The following NKX6-1 variants were observed in gnomAD, a reference collection of about 807,000 sequenced individuals.
NKX6-1 encodes the protein NK6 homeobox 1.
NKX6-1 carries 11 observed loss-of-function variants against 24.9 expected under a neutral mutation model. That is an observed-to-expected ratio of 0.44 (90% CI 0.28 to 0.73). The LOEUF (loss-of-function observed/expected upper bound fraction) is 0.73. NKX6-1 is among the 30% of genes least tolerant of loss of function. The probability of loss-of-function intolerance (pLI) is 0.15; values close to 1 mark genes in which losing one functional copy is unlikely to be tolerated. For missense variants in NKX6-1, 487 were observed against 502.9 expected, an observed-to-expected ratio of 0.97 and a Z score of 0.30; for synonymous variants, 277 against 242.9, an observed-to-expected ratio of 1.14 and a Z score of -1.31.
Position 84,493,473 on chromosome 4 carries a change from T to A in NKX6-1, c.920A>T (p.Asp307Val), listed in dbSNP as rs1392910580. ...CCCCTTGAGGCGCTCTGTCTCCGAG[T>A]CCTGCTTCTTCTTGGCCGTGGCCAT... ...AEMATAKKKQ[D>V]SETERLKGAS... is the part of the protein sequence containing the mutation. Residue 307 changes from aspartate (D) to valine (V), a missense_variant, in exon 3 of 3, where the codon GAC becomes GTC. This residue lies in a region of NKX6-1 where 126 missense variants were observed against 105.5 expected (regional missense o/e 1.19). Transcript: ENST00000295886. This position sits in a 1 kb window ranked among gnomAD's most constrained non-coding sequence, Gnocchi z 5.1. The A allele has an allele frequency of 6.2e-7, 1 of 1,614,244 alleles. No homozygotes were observed.
At position 84,498,953 on chromosome 4, in the gene NKX6-1, G is replaced by A. The variant is rs77782049; in HGVS notation, c.-725C>T. 0.013 allele frequency among the ~76,000 whole-genome samples: 1,969 copies of A among 152,336 alleles called. 78 individuals carry two copies. Among genetic ancestry groups the A allele is most frequent in the East Asian group, 0.13 (651 of 5,160 alleles). On this transcript the variant is annotated 5_prime_UTR_variant, in exon 1 of 3. Coordinates refer to ENST00000295886, the MANE Select transcript of NKX6-1 (RefSeq NM_006168.3). ...CACCCGCCTTGCCCTCTGGCCCACG[G>A]GGCACTGGAGTTGCAATATTGAAAA... is the stretch of plus-strand genomic sequence containing the variant.
rs1023724479 is a variant in NKX6-1 at position 84,498,423 on chromosome 4, C to G, written c.-195G>C. On this transcript the variant is annotated 5_prime_UTR_variant, in exon 1 of 3. Coordinates refer to ENST00000295886, the MANE Select transcript of NKX6-1 (RefSeq NM_006168.3). ...TAGCTGCGCAGCAGAGATGTCCAAA[C>G]CCTCCACGCGGGAGGCGGCAGCTCG... is the stretch of plus-strand genomic sequence containing the variant. 8 of 513,548 alleles carry G rather than the reference C, an allele frequency of 1.6e-5. No individual in the cohort carries two copies. The African/African-American group carries it at 1.6e-4, about 10-fold the overall frequency. 31.8% of individuals were successfully genotyped at this position (513,548 alleles called of 1,614,324 possible). A position where few individuals can be genotyped will look rare whatever the true frequency, so the allele number is the denominator to read the frequency against.
chr4:84,496,278 T>C lies in NKX6-1; in HGVS notation c.671-434A>G, dbSNP rs1029711727. On this transcript the variant is annotated intron_variant, in intron 1 of 2. Transcript: ENST00000295886. ...TTTCCTTCAACGCTTCCCTAACCTG[T>C]GTCCAGGCAACAAAGGGGTCCTTGT... 1.3e-4 allele frequency among the ~76,000 whole-genome samples: 19 copies of C among 151,870 alleles called. 1 individual carries two copies. Among genetic ancestry groups the C allele is most frequent in the Admixed American group, 1.2e-3 (19 of 15,262 alleles).
At chr4:84,496,518 G>C (rs900397012) in intron 1 of NKX6-1, 1 of 152,254 alleles carries the variant, frequency 6.6e-6, no homozygotes, top group Admixed American at 6.5e-5. Context: ...GCAACTTCCC[G>C]CAGTTACTGC....
In NKX6-1 at chr4:84,492,427, C is replaced by G. The variant is rs1720740860; in HGVS notation, c.*862G>C. Reference sequence around the variant, plus strand: ...GGTGAGAGGCCCTCCCTGGTTCCCACGTCTTCCACTTCAAGTCCGGGGGGC... The same window carrying G: ...GGTGAGAGGCCCTCCCTGGTTCCCAGGTCTTCCACTTCAAGTCCGGGGGGC... On this transcript the variant is annotated 3_prime_UTR_variant, in exon 3 of 3. Coordinates refer to ENST00000295886, the MANE Select transcript of NKX6-1 (RefSeq NM_006168.3). 6.6e-6 allele frequency: 1 copy of G among 150,598 alleles called. No individual in the cohort carries two copies. The highest frequency in any genetic ancestry group is 2.1e-4 in the South Asian group (1 of 4,670). 9.3% of individuals were successfully genotyped at this position (150,598 alleles called of 1,614,324 possible).
chr4:84,493,492 T>A lies in NKX6-1; in HGVS notation c.901A>T (p.Thr301Ser), dbSNP rs1720766699. The change falls in exon 3 of 3, where the codon ACG (threonine) becomes TCG (serine). Residue 301 changes from threonine (T) to serine (S), a missense_variant. This residue lies in a region of NKX6-1 where 126 missense variants were observed against 105.5 expected (regional missense o/e 1.19). Coordinates refer to ENST00000295886, the MANE Select transcript of NKX6-1 (RefSeq NM_006168.3). This position sits in a 1 kb window ranked among gnomAD's most constrained non-coding sequence, Gnocchi z 5.1. ...WRKKHAAEMATAKKKQDSETE... is the reference protein window; with the variant it reads ...WRKKHAAEMASAKKKQDSETE... The stretch of plus-strand genomic sequence containing the variant: ...TCCGAGTCCTGCTTCTTCTTGGCCG[T>A]GGCCATCTCGGCAGCGTGCTTCTTC... 2.5e-6 allele frequency: 4 copies of A among 1,614,114 alleles called. No individual in the cohort carries two copies. The highest frequency in any genetic ancestry group is 1.7e-5 in the Admixed American group (1 of 60,016).
At chr4:84,495,960 CTG>C in intron 1 of NKX6-1, 116 bp from the exon 2 acceptor site, 1 of 1,025,608 alleles carries the variant, frequency 9.8e-7, no homozygotes, top group Non-Finnish European at 1.5e-6. Flanking sequence ...AAAGCTCAGT[CTG>C]TGGCGGACAC....
chr4:84,497,165 C>T lies in NKX6-1; in HGVS notation c.670+394G>A, dbSNP rs765069218. Among the ~76,000 whole-genome samples the T allele has an allele frequency of 8.5e-5, 13 of 152,142 alleles. No individual in the cohort carries two copies. The highest frequency in any genetic ancestry group is 1.9e-4 in the Non-Finnish European group (13 of 68,038). On this transcript the variant is annotated intron_variant, in intron 1 of 2. Coordinates refer to ENST00000295886, the MANE Select transcript of NKX6-1 (RefSeq NM_006168.3). This position sits in a 1 kb window ranked among gnomAD's most constrained non-coding sequence, Gnocchi z 4.8. The stretch of plus-strand genomic sequence containing the variant: ...GGGAGGAGCCGGGAAAGCAGAGATG[C>T]AGTGGCCTCTCCTCCCCTCTCCTCC...
In NKX6-1 at chr4:84,493,316, G is replaced by T. The variant is rs747423459; in HGVS notation, c.1077C>A (p.His359Gln). ...SSGGGGGLLL[H>Q]ASEPESSS ...AGGATGAGCTCTCCGGCTCGGACGC[G>T]TGCAGTAGGAGGCCGCCGCCGCCGC... is the stretch of plus-strand genomic sequence containing the variant. The change falls in exon 3 of 3, where the codon CAC (histidine) becomes CAA (glutamine). Residue 359 changes from histidine (H) to glutamine (Q), a missense_variant. By Grantham distance (24) the His-to-Gln change is conservative. This residue lies in a region of NKX6-1 where 126 missense variants were observed against 105.5 expected (regional missense o/e 1.19). Transcript: ENST00000295886. The surrounding 1 kb of genome is among the most constrained non-coding windows in gnomAD (Gnocchi z 5.1). 3.7e-6 allele frequency: 6 copies of T among 1,609,338 alleles called. No individual in the cohort carries two copies. The highest frequency in any genetic ancestry group is 5.1e-6 in the Non-Finnish European group (6 of 1,179,310).
Position 84,493,249 on chromosome 4 carries a change from G to A in NKX6-1, c.*40C>T. 1 of 1,514,328 alleles carries A rather than the reference G, an allele frequency of 6.6e-7. No homozygotes were observed. The highest frequency in any genetic ancestry group is 8.8e-7 in the Non-Finnish European group (1 of 1,140,916). The allele number at this position is 1,514,328 out of a possible 1,614,324, so 93.8% of individuals were successfully genotyped here. On this transcript the variant is annotated 3_prime_UTR_variant, in exon 3 of 3. Transcript: ENST00000295886. The surrounding 1 kb of genome is among the most constrained non-coding windows in gnomAD (Gnocchi z 5.1). ...CCCCGCGCCCCTCGCGGCCCCAGAG[G>A]TGGAGGCCGGAGCCGGGAAGGTGCG...
Position 84,493,387 on chromosome 4 carries a change from C to A in NKX6-1, c.1006G>T (p.Asp336Tyr). ...TTCAACAGCTGCGTGATTTTCTCGT[C>A]GTCCGAGTTGGGATCCAGAGGCTTA... Reference protein sequence around the residue: ...YNKPLDPNSDDEKITQLLKKH... With the variant: ...YNKPLDPNSDYEKITQLLKKH... Residue 336 changes from aspartate (D) to tyrosine (Y), a missense_variant, in exon 3 of 3, where the codon GAC becomes TAC. Coordinates refer to ENST00000295886, the MANE Select transcript of NKX6-1 (RefSeq NM_006168.3). The surrounding 1 kb of genome is among the most constrained non-coding windows in gnomAD (Gnocchi z 5.1). 1 of 1,614,148 alleles carries A rather than the reference C, an allele frequency of 6.2e-7. No individual in the cohort carries two copies. Among genetic ancestry groups the A allele is most frequent in the Non-Finnish European group, 8.5e-7 (1 of 1,180,030 alleles).
In NKX6-1 at chr4:84,498,087, G is replaced by T. The variant is rs780502233; in HGVS notation, c.142C>A (p.Pro48Thr). ...AAYPPLPAGP[P>T]SSSSSSSSSS... ...GACGACGACGAGGACGAGGAGGAGG[G>T]GGGGCCGGCAGGCAGCGGGGGATAC... The change falls in exon 1 of 3, where the codon CCC becomes ACC. Residue 48 changes from proline to threonine, a missense_variant. Physicochemically the swap from Pro to Thr is conservative, Grantham distance 38. Coordinates refer to ENST00000295886, the MANE Select transcript of NKX6-1 (RefSeq NM_006168.3). The T allele has an allele frequency of 1.6e-6, 2 of 1,262,738 alleles. No homozygotes were observed. Among genetic ancestry groups the T allele is most frequent in the Non-Finnish European group, 1.0e-6 (1 of 1,003,502 alleles). The allele number at this position is 1,262,738 out of a possible 1,614,324, so 78.2% of individuals were successfully genotyped here.
chr4:84,497,853 A>G lies in NKX6-1; in HGVS notation c.376T>C (p.Ser126Pro). ...PSASPSGSSSSSSSSASASSA... is the reference protein window; with the variant it reads ...PSASPSGSSSPSSSSASASSA... ...GAGGCAGAGGCGGACGAGGAAGAGG[A>G]GGAGGAGGAACCGGAGGGCGAGGCG... The change falls in exon 1 of 3, where the codon TCC becomes CCC. Residue 126 changes from serine (S) to proline (P), a missense_variant. Physicochemically the swap from Ser to Pro is moderately conservative, Grantham distance 74. This residue lies in a region of NKX6-1 where 316 missense variants were observed against 311.4 expected (regional missense o/e 1.01). Coordinates refer to ENST00000295886, the MANE Select transcript of NKX6-1 (RefSeq NM_006168.3). This position sits in a 1 kb window ranked among gnomAD's most constrained non-coding sequence, Gnocchi z 4.8. 7.9e-7 allele frequency: 1 copy of G among 1,271,448 alleles called. No individual in the cohort carries two copies. Among genetic ancestry groups the G allele is most frequent in the Non-Finnish European group, 9.9e-7 (1 of 1,011,078 alleles). The allele number at this position is 1,271,448 out of a possible 1,614,324, so 78.8% of individuals were successfully genotyped here. A position where few individuals can be genotyped will look rare whatever the true frequency, so the allele number is the denominator to read the frequency against.
intron 2 of NKX6-1, among the ~76,000 whole-genome samples, chr4:84,495,399 C>T (rs558409251): frequency 6.6e-6 from 1 of 152,282 alleles, no homozygotes; most frequent in African/African-American, 2.4e-5. Context: ...GTGAGTCCCC[C>T]AGCACATGCT....
chr4:84,498,374 T>C lies in NKX6-1; in HGVS notation c.-146A>G, dbSNP rs1002104983. 12 of 893,234 alleles carry C rather than the reference T, an allele frequency of 1.3e-5. No individual in the cohort carries two copies. The highest frequency in any genetic ancestry group is 7.8e-4 in the Middle Eastern group (2 of 2,548). 55.3% of individuals were successfully genotyped at this position (893,234 alleles called of 1,614,324 possible). A position where few individuals can be genotyped will look rare whatever the true frequency, so the allele number is the denominator to read the frequency against. ...GGCGAGCTGCCAACTGAACCAAAAA[T>C]GCCGCTGCCGGGAGTTGCTCGCCTA... On this transcript the variant is annotated 5_prime_UTR_variant, in exon 1 of 3. Coordinates refer to ENST00000295886, the MANE Select transcript of NKX6-1 (RefSeq NM_006168.3).
At position 84,497,593 on chromosome 4, in the gene NKX6-1, C is replaced by G. The variant is rs556633567; in HGVS notation, c.636G>C (p.Pro212=). 5.5e-6 allele frequency: 7 copies of G among 1,271,968 alleles called. 1 individual carries two copies. In the South Asian group the frequency reaches 2.4e-4, roughly 44 times the overall value. The allele number at this position is 1,271,968 out of a possible 1,614,324, so 78.8% of individuals were successfully genotyped here. Reference sequence around the variant, plus strand: ...AGGCCAGGCGTGCGTCCCTCCAGGGCGGGCTCTGCATCACTCCGGGCCAGA... The same window carrying G: ...AGGCCAGGCGTGCGTCCCTCCAGGGGGGGCTCTGCATCACTCCGGGCCAGA... ...PIFWPGVMQS[P]PWRDARLACT... The change falls in exon 1 of 3, where the codon CCG becomes CCC. Residue 212 remains proline, a synonymous_variant. Transcript: ENST00000295886. The surrounding 1 kb of genome is among the most constrained non-coding windows in gnomAD (Gnocchi z 4.8).
rs1013766906 is a variant in NKX6-1, at chr4:84,493,813, G to A, written c.844-264C>T. Among the ~76,000 whole-genome samples, 1 of 152,130 alleles carries A rather than the reference G, an allele frequency of 6.6e-6. No homozygotes were observed. Among genetic ancestry groups the A allele is most frequent in the Non-Finnish European group, 1.5e-5 (1 of 68,038 alleles). ...AAGAGTATTGAGGTTGTCAGTGAGCGAGTTCTCAAAAGTAAAAACAAAACT... is the reference window on the plus strand; with the variant it reads ...AAGAGTATTGAGGTTGTCAGTGAGCAAGTTCTCAAAAGTAAAAACAAAACT... On this transcript the variant is annotated intron_variant, in intron 2 of 2. Coordinates refer to ENST00000295886, the MANE Select transcript of NKX6-1 (RefSeq NM_006168.3). This position sits in a 1 kb window ranked among gnomAD's most constrained non-coding sequence, Gnocchi z 5.1.
chr4:84,492,652 GGGA>G lies in NKX6-1; in HGVS notation c.*634_*636del, dbSNP rs967512063. 6.6e-6 allele frequency: 1 copy of G among 152,200 alleles called. No homozygotes were observed. The highest frequency in any genetic ancestry group is 2.4e-5 in the African/African-American group (1 of 41,454). The allele number at this position is 152,200 out of a possible 1,614,324, so 9.4% of individuals were successfully genotyped here. ...GTGTGGCTTGAGTCGCTCTTCAAAG[GGGA>G]GGAGGAGAAGGAAGAAAGTCCATCT... On this transcript the variant is annotated 3_prime_UTR_variant, in exon 3 of 3. Coordinates refer to ENST00000295886, the MANE Select transcript of NKX6-1 (RefSeq NM_006168.3).
chr4:84,493,254 G>T lies in NKX6-1; in HGVS notation c.*35C>A. The T allele has an allele frequency of 1.3e-6, 2 of 1,530,088 alleles. No individual in the cohort carries two copies. The highest frequency in any genetic ancestry group is 1.3e-5 in the South Asian group (1 of 79,548). 94.8% of individuals were successfully genotyped at this position (1,530,088 alleles called of 1,614,324 possible). A position where few individuals can be genotyped will look rare whatever the true frequency, so the allele number is the denominator to read the frequency against. On this transcript the variant is annotated 3_prime_UTR_variant, in exon 3 of 3. Transcript: ENST00000295886. This position sits in a 1 kb window ranked among gnomAD's most constrained non-coding sequence, Gnocchi z 5.1. ...CGCCCCTCGCGGCCCCAGAGGTGGAGGCCGGAGCCGGGAAGGTGCGGCGGG... is the reference window on the plus strand; with the variant it reads ...CGCCCCTCGCGGCCCCAGAGGTGGATGCCGGAGCCGGGAAGGTGCGGCGGG...
Sources: allele counts gnomAD v4.1 joint callset (sites outside exome capture counted in the v4.1 genomes callset), GRCh38; gene constraint gnomAD v4.1.1; regional missense constraint gnomAD v4.1.1; non-coding constraint Gnocchi (gnomAD v3.1); transcripts MANE v1.5; gene names NCBI Gene and HGNC (gene_info 2026-07-23, HGNC 2026-07-21).